Variants in CCDC169 observed in about 807,000 individuals in gnomAD.
CCDC169 encodes the protein coiled-coil domain-containing protein 169.
Under a neutral mutation model 36.0 loss-of-function variants are expected in CCDC169, and 30 were observed. That is an observed-to-expected ratio of 0.83 (90% CI 0.62 to 1.13). The LOEUF (loss-of-function observed/expected upper bound fraction) is 1.13. Among genes scored for constraint, CCDC169 ranks in the 50% most tolerant of loss-of-function variants. The pLI, the probability that CCDC169 is intolerant of heterozygous loss-of-function variation, is 0.00. For synonymous variants in CCDC169, 85 were observed against 81.5 expected (o/e 1.04, Z -0.23); for missense variants, 245 against 245.9 (o/e 1.00, Z 0.03).
At chr13:36,252,193 A>C (rs139719564) in intron 6 of CCDC169, among the ~76,000 whole-genome samples, 430 of 152,326 alleles carry the variant, frequency 2.8e-3, no homozygotes, top group African/African-American at 9.1e-3. Flanking sequence ...ACATAGTCTG[A>C]GGAAAGGCAT....
chr13:36,283,647 T>G lies in CCDC169; in HGVS notation c.219A>C (p.Glu73Asp). ...TCTCCTTGAGATAAACAATTTGCTT[T>G]TCTAGTTCATCATTTAATTCAAGTT... is the stretch of plus-strand genomic sequence containing the variant. Reference protein sequence around the residue: ...ETQLELNDELEKQIVYLKEKV... With the variant: ...ETQLELNDELDKQIVYLKEKV... Residue 73 changes from glutamate to aspartate, a missense_variant, in exon 3 of 8, where the codon GAA (glutamate) becomes GAC (aspartate). Transcript: ENST00000239859. 5 of 1,551,382 alleles carry G rather than the reference T, an allele frequency of 3.2e-6. No individual in the cohort carries two copies. Among genetic ancestry groups the G allele is most frequent in the Non-Finnish European group, 4.4e-6 (5 of 1,146,828 alleles).
At chr13:36,251,309 C>T (rs1232051338) in intron 6 of CCDC169, among the ~76,000 whole-genome samples, 2 of 152,098 alleles carry the variant, frequency 1.3e-5, no homozygotes, top group East Asian at 1.9e-4. Flanking sequence ...TTCCAATCAC[C>T]GTAGTATCCA....
chr13:36,227,475 T>TACATAC, downstream of CCDC169: 1 of 1,142,812 alleles, frequency 8.8e-7, no homozygotes, highest in Non-Finnish European at 1.2e-6. Context: ...ATTGTATTTT[T>TACATAC]ACACACACAC....
intron 7 of CCDC169, among the ~76,000 whole-genome samples, chr13:36,247,843 C>T (rs1035894303): frequency 2.6e-5 from 4 of 152,132 alleles, no homozygotes; most frequent in African/African-American, 9.7e-5. Context: ...AAGGACTATG[C>T]CAATTTTGAA....
At chr13:36,240,368 TTTTG>T (rs1871647238) in intron 7 of CCDC169, among the ~76,000 whole-genome samples, 1 of 152,054 alleles carries the variant, frequency 6.6e-6, no homozygotes, top group African/African-American at 2.4e-5. Context: ...GTACTATAAT[TTTTG>T]TTTACTATTA....
At chr13:36,234,326 C>T (rs1593990261) in intron 7 of CCDC169, among the ~76,000 whole-genome samples, 2 of 152,228 alleles carry the variant, frequency 1.3e-5, no homozygotes, top group South Asian at 4.1e-4. Flanking sequence ...CTAAAGAAAA[C>T]TGAACAGTCT....
rs377127084 is a variant in CCDC169 at position 36,287,133 on chromosome 13, TA to T, written c.164-3432del. ...AGAGCTCAAATAGTTAACCTGAAGCTATAGAGTTAAGTAGAGTCTTCTAAAG... is the reference window on the plus strand; with the variant it reads ...AGAGCTCAAATAGTTAACCTGAAGCTTAGAGTTAAGTAGAGTCTTCTAAAG... On this transcript the variant is annotated intron_variant, in intron 2 of 7. Coordinates refer to ENST00000239859, the MANE Select transcript of CCDC169 (RefSeq NM_001144981.3). 7.6e-3 allele frequency among the ~76,000 whole-genome samples: 1,151 copies of T among 151,618 alleles called. 14 individuals are homozygous for T. The highest frequency in any genetic ancestry group is 0.027 in the African/African-American group (1,118 of 41,454).
chr13:36,249,255 T>C (rs919656250), intron 6 of CCDC169, among the ~76,000 whole-genome samples: 7 of 152,106 alleles, frequency 4.6e-5, no homozygotes, highest in Admixed American at 3.9e-4. Context: ...AGAGAATCAA[T>C]AATACAAACT....
intron 4 of CCDC169, chr13:36,283,003 G>T: frequency 6.3e-6 from 1 of 159,178 alleles, no homozygotes. Context: ...GCTTAACATA[G>T]CCCTAGCAAC....
intron 4 of CCDC169, among the ~76,000 whole-genome samples, chr13:36,263,389 C>G (rs1353618188): frequency 6.6e-6 from 1 of 152,098 alleles, no homozygotes; most frequent in African/African-American, 2.4e-5. Context: ...TTAAAAGAAT[C>G]ATTCAAAGAA....
At chr13:36,228,554 T>C (rs946357554), downstream of CCDC169, among the ~76,000 whole-genome samples, 1 of 152,090 alleles carries the variant, frequency 6.6e-6, no homozygotes, top group Non-Finnish European at 1.5e-5. Flanking sequence ...CAACAAATAA[T>C]TGGATTTTTT....
chr13:36,251,028 C>T (rs547885901), intron 6 of CCDC169, among the ~76,000 whole-genome samples: 4 of 152,208 alleles, frequency 2.6e-5, no homozygotes, highest in Non-Finnish European at 4.4e-5. Context: ...AAGCTCTAAT[C>T]GGTCTTTCTG....
chr13:36,236,717 T>C (rs1199005944), intron 7 of CCDC169, among the ~76,000 whole-genome samples: 4 of 152,044 alleles, frequency 2.6e-5, no homozygotes, highest in Non-Finnish European at 5.9e-5. Flanking sequence ...TTTTATCTGA[T>C]AAGGTCTCAT....
At chr13:36,283,416 A>C (rs1490136844) in intron 4 of CCDC169, 53 bp downstream of exon 4, 1 of 1,477,902 alleles carries the variant, frequency 6.8e-7, no homozygotes, top group Non-Finnish European at 9.2e-7. Context: ...TCTGGAAAAA[A>C]TAGACATAAT....
chr13:36,282,410 C>T (rs771822111), intron 4 of CCDC169: 124 of 985,218 alleles, frequency 1.3e-4, no homozygotes, highest in Non-Finnish European at 1.5e-4. Flanking sequence ...GATCCCAATG[C>T]TTTTTGCTTA....
chr13:36,297,793 A>C lies in CCDC169; in HGVS notation c.-74T>G. On this transcript the variant is annotated 5_prime_UTR_variant, in exon 1 of 8. Transcript: ENST00000239859. ...CACAAGACATTAAGGGCCACCCAGA[A>C]GCCAGTACGGCACGAGGCGGTGAAC... is the stretch of plus-strand genomic sequence containing the variant. 1 of 1,397,092 alleles carries C rather than the reference A, an allele frequency of 7.2e-7. No homozygotes were observed. Among genetic ancestry groups the C allele is most frequent in the Non-Finnish European group, 9.9e-7 (1 of 1,014,402 alleles). The allele number at this position is 1,397,092 out of a possible 1,614,324, so 86.5% of individuals were successfully genotyped here.
intron 2 of CCDC169, among the ~76,000 whole-genome samples, chr13:36,291,372 C>G (rs1878875067): frequency 6.6e-6 from 1 of 152,080 alleles, no homozygotes; most frequent in African/African-American, 2.4e-5. Flanking sequence ...ACAGTTATGC[C>G]TTTATAGTTA....
chr13:36,243,397 G>A (rs1024252271), intron 7 of CCDC169, among the ~76,000 whole-genome samples: 7 of 151,910 alleles, frequency 4.6e-5, no homozygotes, highest in Non-Finnish European at 1.0e-4. Flanking sequence ...CTATTTGGGA[G>A]GCTGAGGCAG....
At chr13:36,223,132 G>C (rs1025239801), downstream of CCDC169, 2 of 152,124 alleles carry the variant, frequency 1.3e-5, no homozygotes, top group Non-Finnish European at 2.9e-5. Context: ...GTTTTTGAAA[G>C]CTCATATTTA....
Sources: allele counts gnomAD v4.1 joint callset (sites outside exome capture counted in the v4.1 genomes callset), GRCh38; gene constraint gnomAD v4.1.1; transcripts MANE v1.5; gene names NCBI Gene and HGNC (gene_info 2026-07-23, HGNC 2026-07-21).